The following ABI3BP variants were observed in gnomAD, a reference collection of about 807,000 sequenced individuals.
ABI3BP encodes target of Nesh-SH3.
In ABI3BP, 216 loss-of-function variants were observed where a neutral mutation model predicts 268.6. The ratio of observed to expected loss-of-function variants is 0.80; its 90% CI spans 0.72 to 0.90. The LOEUF (loss-of-function observed/expected upper bound fraction) is 0.90, where lower values mean the gene tolerates loss of function less well. Ranked by LOEUF, ABI3BP falls within the 40% of genes least tolerant of loss-of-function variation. The pLI is 0.00. For missense variants in ABI3BP, 2,090 were observed against 2,182.4 expected (o/e 0.96, Z 0.84); for synonymous variants, 730 against 730.0 (o/e 1.00, Z 0.00).
At chr3:100,959,087 G>A (rs910738474) in intron 1 of ABI3BP, among the ~76,000 whole-genome samples, 9 of 152,176 alleles carry the variant, frequency 5.9e-5, no homozygotes, top group Admixed American at 2.0e-4. Flanking sequence ...AGGAAAACAT[G>A]CTCTATTCCT....
At chr3:100,884,672 A>G (rs1041293150) in intron 6 of ABI3BP, among the ~76,000 whole-genome samples, 2 of 152,024 alleles carry the variant, frequency 1.3e-5, no homozygotes, top group African/African-American at 4.8e-5. Context: ...CATCTCAGAG[A>G]GCAAAATTCC....
chr3:100,987,773 A>T (rs1576495144), intron 1 of ABI3BP, among the ~76,000 whole-genome samples: 1 of 152,232 alleles, frequency 6.6e-6, no homozygotes, highest in South Asian at 2.1e-4. Flanking sequence ...AATATTTCAC[A>T]GGTGTGAGGA....
At chr3:100,839,708 A>C in intron 23 of ABI3BP, 92 bp from the exon 24 acceptor site, 1 of 1,307,750 alleles carries the variant, frequency 7.6e-7, no homozygotes, top group Non-Finnish European at 1.1e-6. Context: ...CACTACCTAA[A>C]TGATGCATTT....
At chr3:100,961,605 A>G (rs1003328964) in intron 1 of ABI3BP, among the ~76,000 whole-genome samples, 2 of 152,212 alleles carry the variant, frequency 1.3e-5, no homozygotes, top group African/African-American at 2.4e-5. Context: ...TACTGCTACT[A>G]TGATGCAAAA....
chr3:100,947,643 C>T (rs1201602505), intron 1 of ABI3BP, among the ~76,000 whole-genome samples: 1 of 151,940 alleles, frequency 6.6e-6, no homozygotes, highest in African/African-American at 2.4e-5. Flanking sequence ...ATAGTAATTC[C>T]CACTGGTTAT....
rs1025176537 is a variant in ABI3BP, at chr3:100,808,214, G to GCA, written c.3627_3628dup (p.Ala1210ValfsTer80). 2 of 1,610,970 alleles carry GCA rather than the reference G, an allele frequency of 1.2e-6. No homozygotes were observed. Among genetic ancestry groups the GCA allele is most frequent in the Non-Finnish European group, 1.7e-6 (2 of 1,178,230 alleles). On this transcript the variant is annotated frameshift_variant, in exon 50 of 68. Transcript: ENST00000471714. LOFTEE classifies it high-confidence loss of function. ...TGGTGATGTTTTTGGCTTAGGAGGA[G>GCA]CACGTGGTGTCTGCTTGGGAGCTAA...
chr3:100,757,232 T>C (rs1171729473), intron 63 of ABI3BP, among the ~76,000 whole-genome samples: 1 of 152,118 alleles, frequency 6.6e-6, no homozygotes, highest in African/African-American at 2.4e-5. Context: ...TAGAAAATTA[T>C]CCTAGAAACT....
chr3:100,757,122 CAAAG>C (rs1445519863), intron 63 of ABI3BP, among the ~76,000 whole-genome samples: 1 of 151,224 alleles, frequency 6.6e-6, no homozygotes, highest in Non-Finnish European at 1.5e-5. Flanking sequence ...AACAAAAAGT[CAAAG>C]AGATGAAAAA....
chr3:100,855,948 T>C (rs2098934850), intron 14 of ABI3BP, among the ~76,000 whole-genome samples: 1 of 151,598 alleles, frequency 6.6e-6, no homozygotes, highest in Admixed American at 6.6e-5. Context: ...TGCAAGAAAA[T>C]ATTCATTAAA....
intron 9 of ABI3BP, among the ~76,000 whole-genome samples, chr3:100,873,264 T>G (rs924935590): frequency 6.6e-6 from 1 of 152,186 alleles, no homozygotes; most frequent in Non-Finnish European, 1.5e-5. Context: ...CTTTTCAGGT[T>G]TTTTTAAAAA....
chr3:100,988,681 T>C (rs552360924), intron 1 of ABI3BP, among the ~76,000 whole-genome samples: 3 of 152,310 alleles, frequency 2.0e-5, no homozygotes, highest in South Asian at 4.1e-4. Flanking sequence ...ATTGTAATTA[T>C]CCCTTTCCAC....
chr3:100,842,722 G>A (rs534555006), intron 20 of ABI3BP, among the ~76,000 whole-genome samples: 25 of 152,186 alleles, frequency 1.6e-4, no homozygotes, highest in African/African-American at 5.8e-4. Context: ...CTAGCAATAA[G>A]TAAATTAAAC....
intron 2 of ABI3BP, among the ~76,000 whole-genome samples, chr3:100,922,400 T>C (rs1412623241): frequency 2.0e-5 from 3 of 152,194 alleles, no homozygotes; most frequent in Non-Finnish European, 4.4e-5. Flanking sequence ...GAATTACAAT[T>C]GCTAATCAGC....
intron 52 of ABI3BP, among the ~76,000 whole-genome samples, 151 bp from the exon 53 acceptor site, chr3:100,796,002 T>G (rs998953262): frequency 3.3e-5 from 5 of 152,124 alleles, no homozygotes; most frequent in African/African-American, 1.2e-4. Flanking sequence ...TCACATTAGA[T>G]GCCAATCAGA....
intron 2 of ABI3BP, among the ~76,000 whole-genome samples, chr3:100,923,283 C>T (rs138186321): frequency 2.0e-3 from 301 of 152,286 alleles, no homozygotes; most frequent in Middle Eastern, 6.8e-3. Context: ...CTCTCACATC[C>T]TCTTCCAGCC....
intron 1 of ABI3BP, among the ~76,000 whole-genome samples, chr3:100,932,446 T>G (rs957597848): frequency 6.6e-6 from 1 of 152,156 alleles, no homozygotes; most frequent in Non-Finnish European, 1.5e-5. Context: ...ACTACTCATC[T>G]GACAAAGGTC....
chr3:100,813,066 A>G (rs2097904242), intron 45 of ABI3BP, among the ~76,000 whole-genome samples: 1 of 152,028 alleles, frequency 6.6e-6, no homozygotes, highest in African/African-American at 2.4e-5. Context: ...TCTTTTGTAG[A>G]GTTGGGGTTT....
At chr3:100,766,565 T>A (rs1394899313) in intron 62 of ABI3BP, among the ~76,000 whole-genome samples, 1 of 152,230 alleles carries the variant, frequency 6.6e-6, no homozygotes, top group East Asian at 1.9e-4. Flanking sequence ...TTATTTTCCT[T>A]GTATTGAAAA....
At chr3:100,808,564 A>G (rs1420033182) in intron 49 of ABI3BP, among the ~76,000 whole-genome samples, 1 of 152,100 alleles carries the variant, frequency 6.6e-6, no homozygotes, top group East Asian at 1.9e-4. Context: ...ATATAATTTT[A>G]TCAGAATATT....
Sources: allele counts gnomAD v4.1 joint callset (sites outside exome capture counted in the v4.1 genomes callset), GRCh38; gene constraint gnomAD v4.1.1; transcripts MANE v1.5; gene names NCBI Gene and HGNC (gene_info 2026-07-23, HGNC 2026-07-21).